CALD1: variants seen among roughly 807,000 people sequenced by gnomAD.
CALD1 encodes the protein caldesmon 1, also known as caldesmon.
In CALD1, 33 loss-of-function variants were observed where a neutral mutation model predicts 99.9. The observed-to-expected ratio is 0.33, with a 90% CI of 0.25 to 0.44. The LOEUF (loss-of-function observed/expected upper bound fraction) is 0.44, where lower values mean the gene tolerates loss of function less well. Ranked by LOEUF, CALD1 falls within the 20% of genes least tolerant of loss-of-function variation. CALD1 has a pLI of 1.00. For synonymous variants in CALD1, 310 were observed against 325.0 expected, an observed-to-expected ratio of 0.95 and a Z score of 0.50; for missense variants, 861 against 962.1, an observed-to-expected ratio of 0.89 and a Z score of 1.39.
At chr7:134,967,605 AT>A (rs1808773255) in intron 14 of CALD1, among the ~76,000 whole-genome samples, 1 of 152,112 alleles carries the variant, frequency 6.6e-6, no homozygotes, top group Non-Finnish European at 1.5e-5. Context: ...AAAGATAAAC[AT>A]CCTCCTTCAC....
At chr7:134,892,110 A>G (rs1438346331) in intron 3 of CALD1, among the ~76,000 whole-genome samples, 1 of 152,208 alleles carries the variant, frequency 6.6e-6, no homozygotes, top group African/African-American at 2.4e-5. Context: ...AAACAGCCAA[A>G]GCCCTCAATA....
At chr7:134,765,371 T>C (rs1796816447) in intron 1 of CALD1, among the ~76,000 whole-genome samples, 1 of 151,980 alleles carries the variant, frequency 6.6e-6, no homozygotes, top group Admixed American at 6.6e-5. Context: ...TTATTTGTTA[T>C]CACAAGAGCT....
chr7:134,832,284 GTC>G (rs1799262467), intron 1 of CALD1, among the ~76,000 whole-genome samples: 1 of 152,146 alleles, frequency 6.6e-6, no homozygotes, highest in Non-Finnish European at 1.5e-5. Flanking sequence ...TCAGGAGATT[GTC>G]TCTTTCTGGC....
At chr7:134,830,767 TA>T (rs1799187768) in intron 1 of CALD1, among the ~76,000 whole-genome samples, 2 of 152,210 alleles carry the variant, frequency 1.3e-5, no homozygotes, top group South Asian at 4.1e-4. Flanking sequence ...AAAGGCAATA[TA>T]TTTTTTTTGG....
chr7:134,756,254 G>A (rs28593539), intron 1 of CALD1, among the ~76,000 whole-genome samples: 19,665 of 126,310 alleles, frequency 0.16, 1,578 homozygotes, highest in Non-Finnish European at 0.18. Flanking sequence ...CCTGGGGAAC[G>A]AGAGTGAGAC....
At chr7:134,770,647 A>G (rs1178145793) in intron 1 of CALD1, among the ~76,000 whole-genome samples, 3 of 152,210 alleles carry the variant, frequency 2.0e-5, no homozygotes, top group African/African-American at 7.2e-5. Context: ...TGGACAATCC[A>G]GTATGACTTC....
At chr7:134,872,568 A>T (rs1801148506) in intron 3 of CALD1, among the ~76,000 whole-genome samples, 1 of 152,156 alleles carries the variant, frequency 6.6e-6, no homozygotes, top group South Asian at 2.1e-4. Context: ...ACAAAATGCA[A>T]GATACTATAC....
intron 3 of CALD1, among the ~76,000 whole-genome samples, chr7:134,878,072 AC>A (rs1305778730): frequency 6.6e-6 from 1 of 151,620 alleles, no homozygotes; most frequent in Middle Eastern, 3.2e-3. Context: ...CCTTCCCTTC[AC>A]CTCCCCACCC....
intron 3 of CALD1, among the ~76,000 whole-genome samples, chr7:134,895,022 T>G (rs978398627): frequency 6.6e-6 from 1 of 151,602 alleles, no homozygotes; most frequent in Non-Finnish European, 1.5e-5. Flanking sequence ...AATCATGGAG[T>G]CAAGGAAACG....
intron 3 of CALD1, among the ~76,000 whole-genome samples, chr7:134,891,827 G>T (rs1428548597): frequency 1.3e-5 from 2 of 150,616 alleles, no homozygotes; most frequent in East Asian, 3.9e-4. Context: ...CAGTGAGTGT[G>T]TGAGTTTCAG....
At chr7:134,794,909 A>G (rs778010410) in intron 1 of CALD1, among the ~76,000 whole-genome samples, 3 of 152,128 alleles carry the variant, frequency 2.0e-5, no homozygotes, top group Non-Finnish European at 2.9e-5. Context: ...AATCACTTCA[A>G]TTTTCCAGAT....
intron 1 of CALD1, among the ~76,000 whole-genome samples, chr7:134,833,848 C>A (rs548945025): frequency 7.2e-5 from 11 of 152,272 alleles, no homozygotes; most frequent in Admixed American, 1.3e-4. Flanking sequence ...GAATCCCAAG[C>A]GGGGCCTAAC....
intron 3 of CALD1, among the ~76,000 whole-genome samples, chr7:134,905,921 T>C (rs1011318013): frequency 3.6e-5 from 5 of 138,800 alleles, no homozygotes; most frequent in African/African-American, 1.4e-4. Flanking sequence ...CCTCTCTATA[T>C]CTTTTTTTTT....
the CALD1 span, among the ~76,000 whole-genome samples, chr7:134,713,542 A>G: frequency 3.3e-5 from 5 of 152,226 alleles, no homozygotes; most frequent in Admixed American, 3.3e-4. Context: ...TTCAGGAGAA[A>G]TTAACAGGTA....
intron 3 of CALD1, among the ~76,000 whole-genome samples, chr7:134,879,406 T>C (rs1014507502): frequency 2.0e-5 from 3 of 152,274 alleles, no homozygotes; most frequent in Non-Finnish European, 4.4e-5. Context: ...TAGCCTATCC[T>C]AAACCTGCAT....
intron 13 of CALD1, among the ~76,000 whole-genome samples, chr7:134,965,045 G>C (rs555655354): frequency 3.3e-5 from 5 of 152,238 alleles, no homozygotes. Flanking sequence ...GAAATCAGTA[G>C]ATGGAGGTCG....
intron 7 of CALD1, among the ~76,000 whole-genome samples, chr7:134,946,309 T>C (rs1393249080): frequency 6.6e-6 from 1 of 152,182 alleles, no homozygotes; most frequent in African/African-American, 2.4e-5. Flanking sequence ...ATGTATCTTC[T>C]TAAAAATTGT....
chr7:134,872,001 T>C (rs1416840536), intron 3 of CALD1, among the ~76,000 whole-genome samples: 1 of 152,184 alleles, frequency 6.6e-6, no homozygotes, highest in African/African-American at 2.4e-5. Flanking sequence ...GACTCTGTCG[T>C]CCACATATCT....
chr7:134,802,997 CACTTACAAGCAATAA>C (rs1798003815), intron 1 of CALD1, among the ~76,000 whole-genome samples: 1 of 152,190 alleles, frequency 6.6e-6, no homozygotes, highest in Non-Finnish European at 1.5e-5. Context: ...CTGTTTTTAA[CACTTACAAGCAATAA>C]ATTAGCATTC....
Sources: allele counts gnomAD v4.1 joint callset (sites outside exome capture counted in the v4.1 genomes callset), GRCh38; gene constraint gnomAD v4.1.1; transcripts MANE v1.5; gene names NCBI Gene and HGNC (gene_info 2026-07-23, HGNC 2026-07-21).